The following RPH3A variants were observed in gnomAD, a reference collection of about 807,000 sequenced individuals.
The protein encoded by RPH3A is rabphilin 3A.
In RPH3A, 48 loss-of-function variants were observed where a neutral mutation model predicts 102.2. That is an observed-to-expected ratio of 0.47 (90% CI 0.37 to 0.60). The LOEUF is 0.60. RPH3A is among the 20% of genes least tolerant of loss of function. RPH3A has a pLI of 0.00. For missense variants in RPH3A, 781 were observed against 910.1 expected, an observed-to-expected ratio of 0.86 and a Z score of 1.83; for synonymous variants, 310 against 324.3, an observed-to-expected ratio of 0.96 and a Z score of 0.47.
In RPH3A at chr12:112,875,116, A is replaced by G. The variant is rs1593114029; in HGVS notation, c.829A>G (p.Arg277Gly). The change falls in exon 11 of 22, where the codon AGA becomes GGA. Residue 277 changes from arginine to glycine, a missense_variant. Arg to Gly is a moderately radical substitution (Grantham distance 125). This residue lies in a region of RPH3A where 730 missense variants were observed against 810.0 expected (regional missense o/e 0.90). Transcript: ENST00000389385. The stretch of plus-strand genomic sequence containing the variant: ...ACGGGCCAACTCAGTCCAGGCCTCC[A>G]GACCTGCCCCAGGCTCGGTGCAGAG... ...LRRANSVQAS[R>G]PAPGSVQSPA... 7 of 1,610,394 alleles carry G rather than the reference A, an allele frequency of 4.3e-6. No homozygotes were observed. The highest frequency in any genetic ancestry group is 5.9e-6 in the Non-Finnish European group (7 of 1,178,814).
At chr12:112,855,168 A>T (rs1308431544) in intron 5 of RPH3A, among the ~76,000 whole-genome samples, 1 of 152,156 alleles carries the variant, frequency 6.6e-6, no homozygotes, top group African/African-American at 2.4e-5. Flanking sequence ...TTCCAAATCC[A>T]GCTCTTCCAC....
upstream of RPH3A, among the ~76,000 whole-genome samples, chr12:112,787,670 T>C (rs373444694): frequency 6.6e-6 from 1 of 152,222 alleles, no homozygotes; most frequent in African/African-American, 2.4e-5. Context: ...TCACCACTTA[T>C]GAACTCAATG....
rs764003900 is a variant in RPH3A, at chr12:112,866,785, C to A, written c.389C>A (p.Thr130Asn). 30 of 1,609,504 alleles carry A rather than the reference C, an allele frequency of 1.9e-5. No homozygotes were observed. Among genetic ancestry groups the A allele is most frequent in the Non-Finnish European group, 2.5e-5 (30 of 1,176,946 alleles). Reference sequence around the variant, plus strand: ...GTCTGCACCAAGTGCGGAGTGGAGACCAACAACCGCCTGCATTCTGTGTGG... The same window carrying A: ...GTCTGCACCAAGTGCGGAGTGGAGAACAACAACCGCCTGCATTCTGTGTGG... ...KNVCTKCGVETNNRLHSVWLC... is the reference protein window; with the variant it reads ...KNVCTKCGVENNNRLHSVWLC... The change falls in exon 7 of 22, where the codon ACC (threonine) becomes AAC (asparagine). Residue 130 changes from threonine to asparagine, a missense_variant. Coordinates refer to ENST00000389385, the MANE Select transcript of RPH3A (RefSeq NM_001143854.2).
chr12:112,881,634 C>T, intron 14 of RPH3A, 138 bp from the exon 15 acceptor site: 1 of 569,420 alleles, frequency 1.8e-6, no homozygotes, highest in Non-Finnish European at 3.1e-6. Context: ...CTGCATTTCC[C>T]TTCTCTCTCT....
rs112828194 is a variant in RPH3A at position 112,794,423 on chromosome 12, T to A, written c.-19+2160T>A. Among the ~76,000 whole-genome samples, 492 of 152,224 alleles carry A rather than the reference T, an allele frequency of 3.2e-3. 4 individuals are homozygous for A. The highest frequency in any genetic ancestry group is 0.011 in the African/African-American group (439 of 41,542). The stretch of plus-strand genomic sequence containing the variant: ...CGGGGAGAGGCCCTGTTTGGGGTGA[T>A]TGGGGATAGGGGAGTCTCTTGTGAG... On this transcript the variant is annotated intron_variant, in intron 2 of 21. Transcript: ENST00000389385.
At chr12:112,605,631 C>A (rs2135971138) in intron 1 of RPH3A, among the ~76,000 whole-genome samples, 1 of 152,302 alleles carries the variant, frequency 6.6e-6, no homozygotes, top group South Asian at 2.1e-4. Flanking sequence ...AGCCTGCAAG[C>A]CTTTTTATTT....
chr12:112,740,978 G>T (rs2040704947), intron 1 of RPH3A, among the ~76,000 whole-genome samples: 1 of 152,142 alleles, frequency 6.6e-6, no homozygotes, highest in Non-Finnish European at 1.5e-5. Flanking sequence ...GAGGGCTTTT[G>T]CACTCCCAGT....
intron 1 of RPH3A, among the ~76,000 whole-genome samples, chr12:112,773,671 A>G (rs1045952033): frequency 6.6e-6 from 1 of 151,792 alleles, no homozygotes; most frequent in Non-Finnish European, 1.5e-5. Context: ...GTGTTGGCGG[A>G]TAGAATGATT....
chr12:112,627,504 A>G (rs2039775272), intron 1 of RPH3A, among the ~76,000 whole-genome samples: 1 of 151,338 alleles, frequency 6.6e-6, no homozygotes, highest in East Asian at 1.9e-4. Flanking sequence ...AGTGTTATAT[A>G]TTGTGTCAAT....
At chr12:112,731,570 T>C (rs1330600493) in intron 1 of RPH3A, among the ~76,000 whole-genome samples, 1 of 152,210 alleles carries the variant, frequency 6.6e-6, no homozygotes. Context: ...CTTTCTTAAT[T>C]TCCTTTATTC....
chr12:112,672,568 C>T (rs919845314), intron 1 of RPH3A, among the ~76,000 whole-genome samples: 1 of 152,212 alleles, frequency 6.6e-6, no homozygotes, highest in African/African-American at 2.4e-5. Flanking sequence ...TCATGGCACA[C>T]AGCTGCAGGT....
At chr12:112,876,410 G>C (rs2136237044) in intron 12 of RPH3A, among the ~76,000 whole-genome samples, 1 of 152,202 alleles carries the variant, frequency 6.6e-6, no homozygotes, top group East Asian at 1.9e-4. Context: ...TCAAACCCAG[G>C]CTGTCTGGGC....
intron 3 of RPH3A, chr12:112,831,838 T>C (rs1293296266): frequency 4.4e-6 from 2 of 456,034 alleles, no homozygotes; most frequent in Admixed American, 2.3e-5. Flanking sequence ...CCTCTGTAGA[T>C]GGTTTTTCCT....
At chr12:112,848,126 G>A (rs1358242480) in intron 5 of RPH3A, among the ~76,000 whole-genome samples, 2 of 152,150 alleles carry the variant, frequency 1.3e-5, no homozygotes, top group Non-Finnish European at 2.9e-5. Context: ...GAAGGGGCAG[G>A]GGGAGGGGTC....
At chr12:112,761,646 C>G (rs919104299) in intron 1 of RPH3A, among the ~76,000 whole-genome samples, 8 of 152,218 alleles carry the variant, frequency 5.3e-5, no homozygotes, top group African/African-American at 1.9e-4. Context: ...TTCCCCTGGA[C>G]AGGCAGCCCA....
chr12:112,832,109 C>G (rs565021167), intron 3 of RPH3A, among the ~76,000 whole-genome samples: 4 of 152,104 alleles, frequency 2.6e-5, no homozygotes, highest in African/African-American at 9.6e-5. Flanking sequence ...TGCTTATTCT[C>G]TCTCTCACTT....
intron 7 of RPH3A, 26 bp downstream of exon 7, chr12:112,866,866 C>G: frequency 6.4e-7 from 1 of 1,565,604 alleles, no homozygotes; most frequent in Non-Finnish European, 8.7e-7. Flanking sequence ...CCACCTGGTG[C>G]CTAGATCACC....
At chr12:112,867,533 A>G (rs2042631943) in intron 7 of RPH3A, among the ~76,000 whole-genome samples, 1 of 152,192 alleles carries the variant, frequency 6.6e-6, no homozygotes, top group Non-Finnish European at 1.5e-5. Context: ...TTATTGACAA[A>G]GGTCCGGGCA....
intron 1 of RPH3A, among the ~76,000 whole-genome samples, chr12:112,653,107 C>A (rs936530704): frequency 6.6e-6 from 1 of 151,892 alleles, no homozygotes; most frequent in Non-Finnish European, 1.5e-5. Flanking sequence ...AAGATAAATA[C>A]AGGCCGAGGG....
Sources: gnomAD v4.1 joint callset for allele counts (sites outside exome capture counted in the v4.1 genomes callset) on GRCh38, gnomAD v4.1.1 for gene constraint, gnomAD v4.1.1 regional missense constraint, MANE v1.5 for transcripts, NCBI Gene and HGNC (gene_info 2026-07-23, HGNC 2026-07-21) for gene names.